KIAA0825: variants seen among roughly 807,000 people sequenced by gnomAD.
KIAA0825 encodes the protein uncharacterized protein KIAA0825.
KIAA0825 carries 119 observed loss-of-function variants against 147.6 expected under a neutral mutation model. The ratio of observed to expected loss-of-function variants is 0.81; its 90% CI spans 0.69 to 0.94. KIAA0825 has a LOEUF of 0.94. KIAA0825 is among the 40% of genes least tolerant of loss of function. The pLI is 0.00. For synonymous variants in KIAA0825, 470 were observed against 518.1 expected, an observed-to-expected ratio of 0.91 and a Z score of 1.26; for missense variants, 1,381 against 1,472.7, an observed-to-expected ratio of 0.94 and a Z score of 1.02.
chr5:94,539,913 C>T (rs1410772436), intron 2 of KIAA0825, among the ~76,000 whole-genome samples: 2 of 152,090 alleles, frequency 1.3e-5, no homozygotes, highest in Non-Finnish European at 2.9e-5. Context: ...TTGCTGATGG[C>T]TATGGGTGAC....
chr5:94,548,690 T>G lies in KIAA0825; in HGVS notation c.-1-11563A>C, dbSNP rs7718597. On this transcript the variant is annotated intron_variant, in intron 2 of 20. Transcript: ENST00000682413. The stretch of plus-strand genomic sequence containing the variant: ...AAGAAATACATTTCATCTATAAAGA[T>G]ACACAAAGACTGAAAACCGAGGGAT... Among the ~76,000 whole-genome samples, 554 of 152,202 alleles carry G rather than the reference T, an allele frequency of 3.6e-3. 4 individuals are homozygous for G. The highest frequency in any genetic ancestry group is 0.013 in the African/African-American group (530 of 41,516).
chr5:94,379,048 G>A (rs1748001925), intron 20 of KIAA0825, among the ~76,000 whole-genome samples: 1 of 152,198 alleles, frequency 6.6e-6, no homozygotes, highest in African/African-American at 2.4e-5. Context: ...CTCCCATTCT[G>A]TAGGTTTTCT....
intron 5 of KIAA0825, among the ~76,000 whole-genome samples, chr5:94,515,791 C>CAAAAAAAAAAAAAAAAAAA (rs754577018): frequency 2.1e-4 from 20 of 93,582 alleles, no homozygotes; most frequent in African/African-American, 7.2e-4. Context: ...GACTCTGTCT[C>CAAAAAAAAAAAAAAAAAAA]AAAAAAAAAA....
At chr5:94,356,618 AC>A (rs1454275666) in intron 20 of KIAA0825, among the ~76,000 whole-genome samples, 12 of 151,986 alleles carry the variant, frequency 7.9e-5, no homozygotes, top group Admixed American at 7.9e-4. Flanking sequence ...CTCAAAAAAA[AC>A]AAAAAGACAA....
chr5:94,539,095 A>G (rs1417958331), intron 2 of KIAA0825, among the ~76,000 whole-genome samples: 1 of 152,218 alleles, frequency 6.6e-6, no homozygotes, highest in East Asian at 1.9e-4. Context: ...AGCTTGCAAT[A>G]AAGAAGTCAG....
chr5:94,437,768 C>T (rs927312220), intron 14 of KIAA0825, among the ~76,000 whole-genome samples: 1 of 152,112 alleles, frequency 6.6e-6, no homozygotes, highest in Non-Finnish European at 1.5e-5. Context: ...TCTTATAGGA[C>T]CATGCCTGTG....
chr5:94,337,529 T>C (rs964907291), intron 20 of KIAA0825, among the ~76,000 whole-genome samples: 2 of 152,220 alleles, frequency 1.3e-5, no homozygotes, highest in Non-Finnish European at 2.9e-5. Flanking sequence ...CTGTAATTTA[T>C]AATTATTGAT....
At chr5:94,375,437 C>T (rs1250766240) in intron 20 of KIAA0825, among the ~76,000 whole-genome samples, 4 of 152,090 alleles carry the variant, frequency 2.6e-5, no homozygotes, top group African/African-American at 4.8e-5. Context: ...CCTGACCTTT[C>T]CTCCTGTCCC....
intron 20 of KIAA0825, among the ~76,000 whole-genome samples, chr5:94,283,286 A>C (rs9314104): frequency 0.9 from 137,427 of 152,024 alleles, 62,225 homozygotes; most frequent in Middle Eastern, 0.93. Flanking sequence ...TTTTAACAGA[A>C]GAAGAAATTG....
At chr5:94,590,683 G>T (rs1046781352) in intron 1 of KIAA0825, among the ~76,000 whole-genome samples, 5 of 152,142 alleles carry the variant, frequency 3.3e-5, no homozygotes, top group African/African-American at 1.2e-4. Flanking sequence ...AGCAAACTGT[G>T]CTTCTTCATA....
At chr5:94,254,517 T>C (rs1254562696) in intron 20 of KIAA0825, among the ~76,000 whole-genome samples, 2 of 152,210 alleles carry the variant, frequency 1.3e-5, no homozygotes, top group African/African-American at 4.8e-5. Flanking sequence ...AGCATCATTT[T>C]TTGTGACAAT....
At chr5:94,462,346 TATATC>T in intron 12 of KIAA0825, 36 bp downstream of exon 12, 1 of 1,012,054 alleles carries the variant, frequency 9.9e-7, no homozygotes, top group Non-Finnish European at 1.4e-6. Context: ...TTAATCACGT[TATATC>T]ATAATAGCTA....
At chr5:94,403,476 CATT>C (rs1751656745) in intron 16 of KIAA0825, 90 bp downstream of exon 16, 1 of 870,570 alleles carries the variant, frequency 1.1e-6, no homozygotes, top group Non-Finnish European at 1.8e-6. Context: ...TATAGTTCAT[CATT>C]CTTATAAATT....
intron 3 of KIAA0825, among the ~76,000 whole-genome samples, chr5:94,533,277 C>CTT (rs780139022): frequency 8.8e-5 from 11 of 124,382 alleles, no homozygotes; most frequent in East Asian, 2.3e-4. Flanking sequence ...TGTGCCCGGC[C>CTT]TTTTTTTTTT....
intron 20 of KIAA0825, among the ~76,000 whole-genome samples, chr5:94,220,453 G>T (rs1455350645): frequency 6.6e-6 from 1 of 152,064 alleles, no homozygotes; most frequent in Non-Finnish European, 1.5e-5. Context: ...TGTTAATATT[G>T]TCAAGCATTA....
intron 6 of KIAA0825, among the ~76,000 whole-genome samples, chr5:94,483,965 T>C (rs995924537): frequency 1.3e-5 from 2 of 151,570 alleles, no homozygotes; most frequent in African/African-American, 4.8e-5. Flanking sequence ...CTCCTTAGAA[T>C]GGCATATGGT....
chr5:94,248,156 AAGAGTATC>A (rs1278249647), intron 20 of KIAA0825, among the ~76,000 whole-genome samples: 1 of 152,176 alleles, frequency 6.6e-6, no homozygotes, highest in Non-Finnish European at 1.5e-5. Flanking sequence ...TAAAATGCAA[AAGAGTATC>A]AGATAAGAAG....
intron 5 of KIAA0825, among the ~76,000 whole-genome samples, chr5:94,504,605 C>G (rs139871443): frequency 3.3e-4 from 50 of 151,838 alleles, no homozygotes; most frequent in African/African-American, 1.2e-3. Flanking sequence ...TAAATTCTAG[C>G]TATTGAAAAA....
intron 15 of KIAA0825, chr5:94,416,713 A>G (rs1424644965): frequency 1.3e-5 from 2 of 156,254 alleles, no homozygotes; most frequent in Non-Finnish European, 2.8e-5. Context: ...GGAAAAATAT[A>G]TTCTCTCCAA....
Sources: gnomAD v4.1 joint callset for allele counts (sites outside exome capture counted in the v4.1 genomes callset) on GRCh38, gnomAD v4.1.1 for gene constraint, MANE v1.5 for transcripts, NCBI Gene and HGNC (gene_info 2026-07-23, HGNC 2026-07-21) for gene names.